The following EPHB6 variants were observed in gnomAD, a reference collection of about 807,000 sequenced individuals.
The protein encoded by EPHB6 is ephrin type-B receptor 6.
In EPHB6, 51 loss-of-function variants were observed where a neutral mutation model predicts 107.0. The ratio of observed to expected loss-of-function variants is 0.48; its 90% CI spans 0.38 to 0.60. EPHB6 has a LOEUF of 0.60. EPHB6 is among the 20% of genes least tolerant of loss of function. The pLI is 0.00. For missense variants in EPHB6, 1,141 were observed against 1,355.5 expected, an observed-to-expected ratio of 0.84 and a Z score of 2.48; for synonymous variants, 553 against 549.0, an observed-to-expected ratio of 1.01 and a Z score of -0.10.
Position 142,863,254 on chromosome 7 carries a change from AG to A in EPHB6, c.30del (p.Asn11ThrfsTer49). On this transcript the variant is annotated frameshift_variant, in exon 5 of 20. Coordinates refer to ENST00000652003, the MANE Select transcript of EPHB6 (RefSeq NM_004445.6). LOFTEE classifies it high-confidence loss of function. Reference protein sequence around the residue: MATEGAAQLGNRVAGMVCSL... With the variant: MATEGAAQLXNRVAGMVCSL... ...TGGCTACTGAAGGGGCTGCCCAGTT[AG>A]GGAACAGAGTGGCGGGCATGGTGTG... 6.2e-7 allele frequency: 1 copy of A among 1,614,008 alleles called. No homozygotes were observed. Among genetic ancestry groups the A allele is most frequent in the Non-Finnish European group, 8.5e-7 (1 of 1,179,952 alleles).
chr7:142,869,999 AC>A lies in EPHB6; in HGVS notation c.2610+37del. The A allele has an allele frequency of 6.2e-7, 1 of 1,613,766 alleles. No individual in the cohort carries two copies. Among genetic ancestry groups the A allele is most frequent in the Non-Finnish European group, 8.5e-7 (1 of 1,179,914 alleles). ...CTGACCTAGACACTGCTGATTTCCC[AC>A]CCCGATCCCTCCCAGGTTGGAACAT... On this transcript the variant is annotated intron_variant, in intron 17 of 19. Transcript: ENST00000652003. The surrounding 1 kb of genome is among the most constrained non-coding windows in gnomAD (Gnocchi z 4.5).
Position 142,855,367 on chromosome 7 carries a change from G to A in EPHB6, c.-450G>A, listed in dbSNP as rs1190372089. Reference sequence around the variant, plus strand: ...GCCTCGGGGGGCGCAGACCTGCAGAGACTGCGGCCAACGGGAAGGTGAGCC... The same window carrying A: ...GCCTCGGGGGGCGCAGACCTGCAGAAACTGCGGCCAACGGGAAGGTGAGCC... On this transcript the variant is annotated 5_prime_UTR_variant, in exon 1 of 20. Transcript: ENST00000652003. The surrounding 1 kb of genome is among the most constrained non-coding windows in gnomAD (Gnocchi z 4.2). 6.6e-6 allele frequency: 1 copy of A among 152,322 alleles called. No individual in the cohort carries two copies. The highest frequency in any genetic ancestry group is 1.5e-5 in the Non-Finnish European group (1 of 68,186). The allele number at this position is 152,322 out of a possible 1,614,324, so 9.4% of individuals were successfully genotyped here. A position where few individuals can be genotyped will look rare whatever the true frequency, so the allele number is the denominator to read the frequency against.
Position 142,867,079 on chromosome 7 carries a change from G to A in EPHB6, c.1750+11G>A, listed in dbSNP as rs1388893096. ...AGACACTTCCTCAAGGTGAGCGGGG[G>A]TCAAGGGCCAGATGGGCAGGTGAAG... On this transcript the variant is annotated intron_variant, in intron 11 of 19. Coordinates refer to ENST00000652003, the MANE Select transcript of EPHB6 (RefSeq NM_004445.6). This position sits in a 1 kb window ranked among gnomAD's most constrained non-coding sequence, Gnocchi z 5.3. The A allele has an allele frequency of 1.9e-6, 3 of 1,611,452 alleles. 1 individual carries two copies. The highest frequency in any genetic ancestry group is 4.5e-5 in the East Asian group (2 of 44,852).
Position 142,866,555 on chromosome 7 carries a change from G to T in EPHB6, c.1537G>T (p.Asp513Tyr), listed in dbSNP as rs1028670038. The T allele has an allele frequency of 1.9e-6, 3 of 1,614,150 alleles. No homozygotes were observed. Among genetic ancestry groups the T allele is most frequent in the Admixed American group, 3.3e-5 (2 of 60,022 alleles). ...CATCACGGTGTCCTGGCCGCAGCCC[G>T]ACCAGACCAATGGGAACATCCTGGA... ...NSITVSWPQP[D>Y]QTNGNILDYQ... The change falls in exon 10 of 20, where the codon GAC becomes TAC. Residue 513 changes from aspartate (D) to tyrosine (Y), a missense_variant. Around this residue, in one of 3 missense-constraint regions of EPHB6, gnomAD observed 616 missense variants for 759.3 expected, o/e 0.81. Transcript: ENST00000652003. The surrounding 1 kb of genome is among the most constrained non-coding windows in gnomAD (Gnocchi z 5.2).
rs55804539 is a variant in EPHB6 at position 142,869,128 on chromosome 7, G to T, written c.2441G>T (p.Arg814Leu). 5 of 1,613,268 alleles carry T rather than the reference G, an allele frequency of 3.1e-6. No individual in the cohort carries two copies. In the Admixed American group the frequency reaches 6.7e-5, roughly 22 times the overall value. The change falls in exon 16 of 20, where the codon CGT (arginine) becomes CTT (leucine). Residue 814 changes from arginine (R) to leucine (L), a missense_variant. This residue lies in a region of EPHB6 where 616 missense variants were observed against 759.3 expected (regional missense o/e 0.81). Transcript: ENST00000652003. This position sits in a 1 kb window ranked among gnomAD's most constrained non-coding sequence, Gnocchi z 4.5. ...AGCCACTTGGTGTGCAAGGTGGCCC[G>T]TCTTGGCCACAGTCCTCAGGTGAGA... The part of the protein sequence containing the change: ...VNSHLVCKVA[R>L]LGHSPQGPSC...
In EPHB6 at chr7:142,870,388, G is replaced by A. The variant is rs905100356; in HGVS notation, c.2785G>A (p.Gly929Ser). Residue 929 changes from glycine to serine, a missense_variant, in exon 18 of 20, where the codon GGC becomes AGC. By Grantham distance (56) the Gly-to-Ser change is moderately conservative. Coordinates refer to ENST00000652003, the MANE Select transcript of EPHB6 (RefSeq NM_004445.6). ...CCGCAAGCCAGATACCCTGCAGGCT[G>A]GCGGGGACCCAGGGGAAAGGTCTGG... The part of the protein sequence containing the change: ...MIRKPDTLQA[G>S]GDPGERPSQA... 2 of 1,614,166 alleles carry A rather than the reference G, an allele frequency of 1.2e-6. No homozygotes were observed. Among genetic ancestry groups the A allele is most frequent in the Admixed American group, 1.7e-5 (1 of 60,030 alleles).
At position 142,867,394 on chromosome 7, in the gene EPHB6, G is replaced by A; in HGVS notation, c.1751-214G>A. On this transcript the variant is annotated intron_variant, in intron 11 of 19. Transcript: ENST00000652003. The surrounding 1 kb of genome is among the most constrained non-coding windows in gnomAD (Gnocchi z 5.3). ...CCTGTGTGTGGATGTGGAGGGCTGT[G>A]GGGATGTGTGTGTGTGTTGTGTGTC... is the stretch of plus-strand genomic sequence containing the variant. 1.5e-6 allele frequency: 1 copy of A among 651,858 alleles called. No homozygotes were observed. The highest frequency in any genetic ancestry group is 1.7e-5 in the South Asian group (1 of 57,652). The allele number at this position is 651,858 out of a possible 1,614,324, so 40.4% of individuals were successfully genotyped here.
In EPHB6 at chr7:142,866,116, G is replaced by A; in HGVS notation, c.1262G>A (p.Gly421Asp). 1 of 1,613,486 alleles carries A rather than the reference G, an allele frequency of 6.2e-7. No homozygotes were observed. Among genetic ancestry groups the A allele is most frequent in the South Asian group, 1.1e-5 (1 of 90,964 alleles). ...GGCCGCCAGGAACCTGCCAGCGGTG[G>A]TGGGGGCACTTGTCACCGCTGCAGG... The part of the protein sequence containing the change: ...CEGRQEPASG[G>D]GGTCHRCRDE... The change falls in exon 9 of 20, where the codon GGT (glycine) becomes GAT (aspartate). Residue 421 changes from glycine (G) to aspartate (D), a missense_variant. By Grantham distance (94) the Gly-to-Asp change is moderately conservative. Coordinates refer to ENST00000652003, the MANE Select transcript of EPHB6 (RefSeq NM_004445.6). The surrounding 1 kb of genome is among the most constrained non-coding windows in gnomAD (Gnocchi z 5.2).
At position 142,867,770 on chromosome 7, in the gene EPHB6, A is replaced by G; in HGVS notation, c.1865+48A>G. On this transcript the variant is annotated intron_variant, in intron 12 of 19. Transcript: ENST00000652003. The surrounding 1 kb of genome is among the most constrained non-coding windows in gnomAD (Gnocchi z 5.3). ...CTCTGCCCAGCACCATTAACTCCAC[A>G]GCCAAACCTCAAGTCCTGCCAAGTC... The G allele has an allele frequency of 1.3e-6, 2 of 1,543,628 alleles. No homozygotes were observed. The highest frequency in any genetic ancestry group is 2.3e-5 in the South Asian group (2 of 85,716).
In EPHB6 at chr7:142,866,721, G is replaced by C; in HGVS notation, c.1587+116G>C. 1 of 1,597,312 alleles carries C rather than the reference G, an allele frequency of 6.3e-7. No homozygotes were observed. Among genetic ancestry groups the C allele is most frequent in the Middle Eastern group, 2.1e-4 (1 of 4,814 alleles). On this transcript the variant is annotated intron_variant, in intron 10 of 19. Coordinates refer to ENST00000652003, the MANE Select transcript of EPHB6 (RefSeq NM_004445.6). The surrounding 1 kb of genome is among the most constrained non-coding windows in gnomAD (Gnocchi z 5.2). ...GAATGAGGGGTCCGCAACAGGGCTG[G>C]CAGGAGCTCACAGTCCCCACAGTAG...
Position 142,867,556 on chromosome 7 carries a change from A to G in EPHB6, c.1751-52A>G. On this transcript the variant is annotated intron_variant, in intron 11 of 19. Coordinates refer to ENST00000652003, the MANE Select transcript of EPHB6 (RefSeq NM_004445.6). This position sits in a 1 kb window ranked among gnomAD's most constrained non-coding sequence, Gnocchi z 5.3. ...GTGTGGGTGCCTGGGCACATGAACAAGCACCTGTGAGAGACCTGGCCCACC... is the reference window on the plus strand; with the variant it reads ...GTGTGGGTGCCTGGGCACATGAACAGGCACCTGTGAGAGACCTGGCCCACC... 1 of 1,493,198 alleles carries G rather than the reference A, an allele frequency of 6.7e-7. No individual in the cohort carries two copies. Among genetic ancestry groups the G allele is most frequent in the Non-Finnish European group, 9.2e-7 (1 of 1,084,906 alleles). 92.5% of individuals were successfully genotyped at this position (1,493,198 alleles called of 1,614,324 possible). A position where few individuals can be genotyped will look rare whatever the true frequency, so the allele number is the denominator to read the frequency against.
In EPHB6 at chr7:142,868,713, C is replaced by T. The variant is rs776710033; in HGVS notation, c.2260C>T (p.Leu754Phe). Reference protein sequence around the residue: ...PLMVLTEFMELGPLDSFLRQR... With the variant: ...PLMVLTEFMEFGPLDSFLRQR... Reference sequence around the variant, plus strand: ...CATGGTGCTGACGGAGTTCATGGAGCTTGGCCCCCTGGACAGCTTCCTCAG... The same window carrying T: ...CATGGTGCTGACGGAGTTCATGGAGTTTGGCCCCCTGGACAGCTTCCTCAG... Residue 754 changes from leucine (L) to phenylalanine (F), a missense_variant, in exon 15 of 20, where the codon CTT becomes TTT. Transcript: ENST00000652003. This position sits in a 1 kb window ranked among gnomAD's most constrained non-coding sequence, Gnocchi z 4.2. 1 of 1,613,850 alleles carries T rather than the reference C, an allele frequency of 6.2e-7. No homozygotes were observed. The highest frequency in any genetic ancestry group is 8.5e-7 in the Non-Finnish European group (1 of 1,180,030).
chr7:142,863,378 G>C, intron 5 of EPHB6, 51 bp downstream of exon 5: 1 of 1,546,594 alleles, frequency 6.5e-7, no homozygotes, highest in Admixed American at 1.7e-5. Flanking sequence ...GAGACCCAGT[G>C]AAAGGGGGAA....
intron 1 of EPHB6, among the ~76,000 whole-genome samples, chr7:142,856,877 T>C (rs1802635342): frequency 6.6e-6 from 1 of 152,148 alleles, no homozygotes; most frequent in Admixed American, 6.5e-5. Context: ...ACAGACAGCA[T>C]CTGCTCCCGC....
rs745842622 is a variant in EPHB6 at position 142,864,161 on chromosome 7, G to C, written c.361G>C (p.Gly121Arg). Residue 121 changes from glycine (G) to arginine (R), a missense_variant, in exon 7 of 20, where the codon GGC (glycine) becomes CGC (arginine). Gly to Arg is a moderately radical substitution (Grantham distance 125). Coordinates refer to ENST00000652003, the MANE Select transcript of EPHB6 (RefSeq NM_004445.6). The part of the protein sequence containing the change: ...VRACSSLGVS[G>R]GTCRETFTLY... Reference sequence around the variant, plus strand: ...GGCATGCTCCAGCCTGGGTGTGAGCGGCGGCACCTGCCGGGAGACCTTCAC... The same window carrying C: ...GGCATGCTCCAGCCTGGGTGTGAGCCGCGGCACCTGCCGGGAGACCTTCAC... The C allele has an allele frequency of 1.9e-6, 3 of 1,613,814 alleles. No individual in the cohort carries two copies. The highest frequency in any genetic ancestry group is 4.5e-5 in the East Asian group (2 of 44,886).
chr7:142,864,677 T>G lies in EPHB6; in HGVS notation c.877T>G (p.Trp293Gly), dbSNP rs1803052288. Residue 293 changes from tryptophan to glycine, a missense_variant, in exon 7 of 20, where the codon TGG becomes GGG. Physicochemically the swap from Trp to Gly is radical, Grantham distance 184. Transcript: ENST00000652003. ...GCTGCACTGCAACGGGGAGGGCAAG[T>G]GGATGGTAGCTGTCGGGGGCTGCCG... ...PRLHCNGEGK[W>G]MVAVGGCRCQ... 6.2e-7 allele frequency: 1 copy of G among 1,612,654 alleles called. No homozygotes were observed. The highest frequency in any genetic ancestry group is 1.1e-5 in the South Asian group (1 of 91,082).
chr7:142,864,296 TC>T lies in EPHB6; in HGVS notation c.498del (p.Ser167ProfsTer29), dbSNP rs1803013393. 27 of 43,366 alleles carry T rather than the reference TC, an allele frequency of 6.2e-4. No individual in the cohort carries two copies. In the Admixed American group the frequency reaches 0.016, roughly 26 times the overall value. 2.7% of individuals were successfully genotyped at this position (43,366 alleles called of 1,614,324 possible). ...DTIAADESFP[S>X]SSSSSSSSSS... Reference sequence around the variant, plus strand: ...AATTGCAGCAGACGAGAGCTTTCCCTCCTCCTCCTCCTCCTCCTCCTCCTCT... The same window carrying T: ...AATTGCAGCAGACGAGAGCTTTCCCTCTCCTCCTCCTCCTCCTCCTCCTCT... On this transcript the variant is annotated frameshift_variant, in exon 7 of 20. Coordinates refer to ENST00000652003, the MANE Select transcript of EPHB6 (RefSeq NM_004445.6). LOFTEE classifies it high-confidence loss of function.
chr7:142,863,184 C>T lies in EPHB6; in HGVS notation c.-44C>T. On this transcript the variant is annotated 5_prime_UTR_variant, in exon 5 of 20. The change creates a premature stop within an existing upstream ORF in the 5' untranslated region. Coordinates refer to ENST00000652003, the MANE Select transcript of EPHB6 (RefSeq NM_004445.6). ...CAAAAGCTGCAGCCCCACCCAGGAG[C>T]AGGGTGGTGGCTGGGGCGATGGTGG... The T allele has an allele frequency of 6.4e-7, 1 of 1,573,110 alleles. No individual in the cohort carries two copies. The highest frequency in any genetic ancestry group is 8.7e-7 in the Non-Finnish European group (1 of 1,144,214).
At position 142,863,839 on chromosome 7, in the gene EPHB6, C is replaced by T. The variant is rs1305157459; in HGVS notation, c.166-127C>T. 18 of 1,498,144 alleles carry T rather than the reference C, an allele frequency of 1.2e-5. No individual in the cohort carries two copies. The East Asian group carries it at 3.8e-4, about 32-fold the overall frequency. 92.8% of individuals were successfully genotyped at this position (1,498,144 alleles called of 1,614,324 possible). A position where few individuals can be genotyped will look rare whatever the true frequency, so the allele number is the denominator to read the frequency against. On this transcript the variant is annotated intron_variant, in intron 6 of 19. Transcript: ENST00000652003. ...CTAGAGCACCAAGATTTCAAGGTAT[C>T]CTCTATCTGCTTTGCTTGTCATTAA...
Sources: allele counts gnomAD v4.1 joint callset (sites outside exome capture counted in the v4.1 genomes callset), GRCh38; gene constraint gnomAD v4.1.1; regional missense constraint gnomAD v4.1.1; non-coding constraint Gnocchi (gnomAD v3.1); transcripts MANE v1.5; gene names NCBI Gene and HGNC (gene_info 2026-07-23, HGNC 2026-07-21).